Variants in DNM3 observed in about 807,000 individuals in gnomAD.
DNM3 encodes the protein dynamin 3.
Under a neutral mutation model 101.6 loss-of-function variants are expected in DNM3, and 47 were observed. The observed-to-expected ratio is 0.46, with a 90% CI of 0.37 to 0.59. The LOEUF (loss-of-function observed/expected upper bound fraction) is 0.59, where lower values mean the gene tolerates loss of function less well. Ranked by LOEUF, DNM3 falls within the 20% of genes least tolerant of loss-of-function variation. The pLI is 0.00. For missense variants in DNM3, 849 were observed against 1,085.7 expected (o/e 0.78, Z 3.06); for synonymous variants, 385 against 387.9 (o/e 0.99, Z 0.09).
At chr1:171,992,026 G>A (rs1235009288) in intron 4 of DNM3, among the ~76,000 whole-genome samples, 1 of 152,082 alleles carries the variant, frequency 6.6e-6, no homozygotes, top group Non-Finnish European at 1.5e-5. Flanking sequence ...TAGATATCCT[G>A]TCTCACATCC....
intron 15 of DNM3, among the ~76,000 whole-genome samples, chr1:172,260,498 G>A (rs916256246): frequency 2.8e-4 from 43 of 151,732 alleles, no homozygotes; most frequent in African/African-American, 9.2e-4. Context: ...ATGTCTTGAA[G>A]GTTTTAATCT....
chr1:172,298,230 T>C (rs536732538), intron 15 of DNM3, among the ~76,000 whole-genome samples: 18 of 152,316 alleles, frequency 1.2e-4, no homozygotes, highest in Non-Finnish European at 2.1e-4. Context: ...GTGATTGCTT[T>C]CCTCATTCTT....
intron 14 of DNM3, among the ~76,000 whole-genome samples, chr1:172,201,188 T>A (rs1244645967): frequency 6.6e-6 from 1 of 152,148 alleles, no homozygotes. Context: ...AGGTGGCACT[T>A]AGGCTTATTG....
chr1:171,904,075 T>TG (rs1214730159), intron 1 of DNM3, among the ~76,000 whole-genome samples: 1 of 151,044 alleles, frequency 6.6e-6, no homozygotes, highest in Non-Finnish European at 1.5e-5. Context: ...TGGGAGGCTG[T>TG]GGTGGGTGGA....
At chr1:171,924,153 A>G (rs1274506528) in intron 2 of DNM3, among the ~76,000 whole-genome samples, 1 of 152,148 alleles carries the variant, frequency 6.6e-6, no homozygotes, top group South Asian at 2.1e-4. Flanking sequence ...AAGTATAGGT[A>G]TCTTTTTGAA....
At position 171,921,728 on chromosome 1, in the gene DNM3, G is replaced by A. The variant is rs2125323189; in HGVS notation, c.162-20G>A. The A allele has an allele frequency of 1.3e-6, 2 of 1,563,016 alleles. No individual in the cohort carries two copies. Among genetic ancestry groups the A allele is most frequent in the Non-Finnish European group, 1.7e-6 (2 of 1,151,344 alleles). On this transcript the variant is annotated intron_variant, in intron 1 of 20. Coordinates refer to ENST00000627582, the MANE Select transcript of DNM3 (RefSeq NM_015569.5). ...TAAGAATTCCTTCATGCCTTAATCT[G>A]TATTTCTTACTTTTTTTAGGGACTT...
chr1:172,214,516 C>CT (rs541300254), intron 14 of DNM3, among the ~76,000 whole-genome samples: 930 of 42,544 alleles, frequency 0.022, 7 homozygotes, highest in Middle Eastern at 0.1. Context: ...CACACCTCAT[C>CT]CCCCCCACAC....
rs117101866 is a variant in DNM3, at chr1:171,939,059, C to T, written c.235+17238C>T. ...AACACCCCAAAACTTATTTTTAACCCACTTTCTTTTGTTACTTTTTTTCCT... is the reference window on the plus strand; with the variant it reads ...AACACCCCAAAACTTATTTTTAACCTACTTTCTTTTGTTACTTTTTTTCCT... On this transcript the variant is annotated intron_variant, in intron 2 of 20. Coordinates refer to ENST00000627582, the MANE Select transcript of DNM3 (RefSeq NM_015569.5). 3.3e-5 allele frequency among the ~76,000 whole-genome samples: 5 copies of T among 151,202 alleles called. No homozygotes were observed. In the East Asian group the frequency reaches 1.0e-3, roughly 31 times the overall value.
At chr1:172,308,094 A>G (rs2064921310) in intron 15 of DNM3, among the ~76,000 whole-genome samples, 1 of 152,194 alleles carries the variant, frequency 6.6e-6, no homozygotes, top group African/African-American at 2.4e-5. Context: ...GATTGTTACC[A>G]CTTTAATTCT....
intron 2 of DNM3, among the ~76,000 whole-genome samples, chr1:171,959,930 G>T (rs1056449069): frequency 1.3e-5 from 2 of 152,114 alleles, no homozygotes; most frequent in Non-Finnish European, 2.9e-5. Flanking sequence ...TACTGTGGAG[G>T]GGGTAGAGGA....
chr1:172,143,105 A>G (rs2057677175), intron 14 of DNM3, among the ~76,000 whole-genome samples: 1 of 152,138 alleles, frequency 6.6e-6, no homozygotes, highest in African/African-American at 2.4e-5. Context: ...GGTGATCAGA[A>G]GGGTAATTTT....
At position 172,253,656 on chromosome 1, in the gene DNM3, C is replaced by G. The variant is rs1352260522; in HGVS notation, c.1743C>G (p.Ile581Met). ...VEKSFMSSKHIFALFNTEQRN... is the reference protein window; with the variant it reads ...VEKSFMSSKHMFALFNTEQRN... ...AGAGCTTTATGTCTAGCAAGCACATCTTTGCACTCTTTAATACAGAGCAAA... is the reference window on the plus strand; with the variant it reads ...AGAGCTTTATGTCTAGCAAGCACATGTTTGCACTCTTTAATACAGAGCAAA... The change falls in exon 15 of 21, where the codon ATC becomes ATG. Residue 581 changes from isoleucine (I) to methionine (M), a missense_variant. Transcript: ENST00000627582. 1.3e-6 allele frequency: 2 copies of G among 1,586,318 alleles called. No individual in the cohort carries two copies. The highest frequency in any genetic ancestry group is 1.7e-6 in the Non-Finnish European group (2 of 1,165,352).
chr1:172,038,324 T>C lies in DNM3; in HGVS notation c.855T>C (p.Leu285=), dbSNP rs746990166. The change falls in exon 7 of 21, where the codon CTT becomes CTC. Residue 285 remains leucine, a synonymous_variant. Coordinates refer to ENST00000627582, the MANE Select transcript of DNM3 (RefSeq NM_015569.5). ...PHLQKVLNQQ[L]TNHIRDTLPN... ...TATCATTTTGTTTTGTTTAGCAACT[T>C]ACCAACCACATTCGGGATACCCTAC... is the stretch of plus-strand genomic sequence containing the variant. 1.2e-5 allele frequency: 19 copies of C among 1,613,164 alleles called. No individual in the cohort carries two copies. The South Asian group carries it at 2.0e-4, about 17-fold the overall frequency.
intron 13 of DNM3, among the ~76,000 whole-genome samples, chr1:172,095,547 G>A (rs1477504457): frequency 6.6e-6 from 1 of 152,108 alleles, no homozygotes; most frequent in African/African-American, 2.4e-5. Flanking sequence ...GTTGATTGGG[G>A]TTTATATGAA....
At position 171,981,382 on chromosome 1, in the gene DNM3, A is replaced by C. The variant is rs145540027; in HGVS notation, c.236-6274A>C. On this transcript the variant is annotated intron_variant, in intron 2 of 20. Coordinates refer to ENST00000627582, the MANE Select transcript of DNM3 (RefSeq NM_015569.5). Reference sequence around the variant, plus strand: ...AGAGATCATTTTTTCCTAGTGCTCTATAATAATTCCTTTCTACTTAACCTT... The same window carrying C: ...AGAGATCATTTTTTCCTAGTGCTCTCTAATAATTCCTTTCTACTTAACCTT... Among the ~76,000 whole-genome samples the C allele has an allele frequency of 2.0e-5, 3 of 152,232 alleles. 1 individual carries two copies. Among genetic ancestry groups the C allele is most frequent in the African/African-American group, 7.2e-5 (3 of 41,452 alleles).
chr1:171,904,846 G>T (rs1214625024), intron 1 of DNM3, among the ~76,000 whole-genome samples: 1 of 152,156 alleles, frequency 6.6e-6, no homozygotes, highest in East Asian at 1.9e-4. Context: ...TGGAGGGTAA[G>T]CAGTGAATGC....
At chr1:172,255,942 G>A (rs1201429193) in intron 15 of DNM3, among the ~76,000 whole-genome samples, 1 of 152,130 alleles carries the variant, frequency 6.6e-6, no homozygotes, top group East Asian at 1.9e-4. Context: ...ATGCTTAGGA[G>A]TTGAATTTTA....
chr1:172,070,946 G>A (rs1399035592), intron 11 of DNM3, among the ~76,000 whole-genome samples: 1 of 150,636 alleles, frequency 6.6e-6, no homozygotes, highest in Admixed American at 6.6e-5. Flanking sequence ...CAATTAGCTG[G>A]GCACGGTGGC....
At chr1:172,249,291 T>G (rs1407125304) in intron 14 of DNM3, among the ~76,000 whole-genome samples, 2 of 152,282 alleles carry the variant, frequency 1.3e-5, no homozygotes, top group East Asian at 3.9e-4. Context: ...GAGCACATAC[T>G]GTAGTCATCC....
Sources: allele counts gnomAD v4.1 joint callset (sites outside exome capture counted in the v4.1 genomes callset), GRCh38; gene constraint gnomAD v4.1.1; transcripts MANE v1.5; gene names NCBI Gene and HGNC (gene_info 2026-07-23, HGNC 2026-07-21).